Variants in PXMP4 observed in about 807,000 individuals in gnomAD.
PXMP4 encodes peroxisomal membrane protein 4.
PXMP4 carries 16 observed loss-of-function variants against 21.6 expected under a neutral mutation model. That is an observed-to-expected ratio of 0.74 (90% CI 0.50 to 1.13). The LOEUF (loss-of-function observed/expected upper bound fraction) is 1.13. Ranked by LOEUF, PXMP4 falls within the 50% of genes most tolerant of loss-of-function variation. The pLI is 0.00. For synonymous variants in PXMP4, 127 were observed against 123.8 expected (o/e 1.03, Z -0.17); for missense variants, 240 against 277.7 (o/e 0.86, Z 0.96).
chr20:33,717,008 C>T (rs554436715), intron 1 of PXMP4, among the ~76,000 whole-genome samples: 1 of 152,224 alleles, frequency 6.6e-6, no homozygotes, highest in South Asian at 2.1e-4. Context: ...AACCCTGTCT[C>T]TACTAAAAAT....
intron 1 of PXMP4, among the ~76,000 whole-genome samples, chr20:33,715,519 G>A (rs973034163): frequency 3.3e-5 from 5 of 151,716 alleles, no homozygotes; most frequent in African/African-American, 1.2e-4. Context: ...TCCACCTCCT[G>A]GGTTCAAGCA....
intron 1 of PXMP4, among the ~76,000 whole-genome samples, chr20:33,714,963 T>C (rs920143699): frequency 2.0e-5 from 3 of 152,028 alleles, no homozygotes; most frequent in Non-Finnish European, 4.4e-5. Flanking sequence ...TAAAAAGGGA[T>C]GTTTATTTTT....
intron 1 of PXMP4, among the ~76,000 whole-genome samples, chr20:33,714,962 A>G (rs2018368718): frequency 6.6e-6 from 1 of 151,796 alleles, no homozygotes; most frequent in Non-Finnish European, 1.5e-5. Flanking sequence ...ATAAAAAGGG[A>G]TGTTTATTTT....
In PXMP4 at chr20:33,703,951, C is replaced by T. The variant is rs1340824123; in HGVS notation, c.*3755G>A. 1 of 152,250 alleles carries T rather than the reference C, an allele frequency of 6.6e-6. No individual in the cohort carries two copies. The highest frequency in any genetic ancestry group is 1.9e-4 in the East Asian group (1 of 5,186). 9.4% of individuals were successfully genotyped at this position (152,250 alleles called of 1,614,324 possible). A position where few individuals can be genotyped will look rare whatever the true frequency, so the allele number is the denominator to read the frequency against. ...GCTATAGGCAGGGCACCCCCACCATCTGCTATAAAACCTGCCTGGTGATGG... is the reference window on the plus strand; with the variant it reads ...GCTATAGGCAGGGCACCCCCACCATTTGCTATAAAACCTGCCTGGTGATGG... On this transcript the variant is annotated 3_prime_UTR_variant, in exon 4 of 4. Transcript: ENST00000409299.
intron 2 of PXMP4, among the ~76,000 whole-genome samples, chr20:33,714,256 G>A (rs141220076): frequency 3.3e-5 from 5 of 152,194 alleles, no homozygotes; most frequent in East Asian, 3.9e-4. Flanking sequence ...CTTTAGGGCC[G>A]GGCACGGTGA....
chr20:33,708,391 T>C (rs1004327632), intron 3 of PXMP4, among the ~76,000 whole-genome samples: 1 of 152,008 alleles, frequency 6.6e-6, no homozygotes, highest in Non-Finnish European at 1.5e-5. Flanking sequence ...TTCAATGTGT[T>C]GGCCAGGATG....
intron 3 of PXMP4, 22 bp downstream of exon 3, chr20:33,710,533 C>A: frequency 6.5e-7 from 1 of 1,548,886 alleles, no homozygotes; most frequent in Non-Finnish European, 8.8e-7. Flanking sequence ...CTTCACTACC[C>A]CCATCTCGGG....
intron 2 of PXMP4, among the ~76,000 whole-genome samples, chr20:33,712,234 G>A (rs1157772385): frequency 6.6e-6 from 1 of 152,154 alleles, no homozygotes; most frequent in Non-Finnish European, 1.5e-5. Flanking sequence ...TTTCCATGTG[G>A]AATCTACCAG....
chr20:33,717,457 G>A (rs1265190598), intron 1 of PXMP4, among the ~76,000 whole-genome samples: 5 of 150,588 alleles, frequency 3.3e-5, no homozygotes, highest in African/African-American at 7.3e-5. Context: ...CGGCTAAAAC[G>A]GTGAAACCCC....
At position 33,707,675 on chromosome 20, in the gene PXMP4, T is replaced by G; in HGVS notation, c.*31A>C. On this transcript the variant is annotated 3_prime_UTR_variant, in exon 4 of 4. Transcript: ENST00000409299. ...GGGAGGGTCTGCATGGGGCCAAATC[T>G]TGAGCCACAGCCAGACACCTCAGGG... The G allele has an allele frequency of 6.2e-7, 1 of 1,604,856 alleles. No homozygotes were observed. Among genetic ancestry groups the G allele is most frequent in the Non-Finnish European group, 8.5e-7 (1 of 1,173,660 alleles).
intron 1 of PXMP4, among the ~76,000 whole-genome samples, chr20:33,719,710 G>A (rs570270844): frequency 1.3e-5 from 2 of 152,288 alleles, no homozygotes; most frequent in South Asian, 2.1e-4. Context: ...TAGACAGGAG[G>A]CATCCGCCTG....
At chr20:33,717,957 C>G (rs949541482) in intron 1 of PXMP4, among the ~76,000 whole-genome samples, 2 of 152,150 alleles carry the variant, frequency 1.3e-5, no homozygotes, top group African/African-American at 4.8e-5. Flanking sequence ...TGGCTTTTGG[C>G]AGTTACGCAC....
rs2018437476 is a variant in PXMP4 at position 33,720,236 on chromosome 20, A to G, written c.-29T>C. 1 of 1,579,850 alleles carries G rather than the reference A, an allele frequency of 6.3e-7. No individual in the cohort carries two copies. ...GCGGGCTGCGCGCAGGGTCGGGGTTAGGAACTGTAAGCGCACTGACAGCCG... is the reference window on the plus strand; with the variant it reads ...GCGGGCTGCGCGCAGGGTCGGGGTTGGGAACTGTAAGCGCACTGACAGCCG... On this transcript the variant is annotated 5_prime_UTR_variant, in exon 1 of 4. Coordinates refer to ENST00000409299, the MANE Select transcript of PXMP4 (RefSeq NM_007238.5).
intron 1 of PXMP4, among the ~76,000 whole-genome samples, chr20:33,716,096 G>C (rs1395393955): frequency 6.6e-6 from 1 of 151,738 alleles, no homozygotes. Flanking sequence ...CGCCCACCTC[G>C]GCCTCCCAAA....
chr20:33,710,583 A>C lies in PXMP4; in HGVS notation c.347T>G (p.Phe116Cys). ...GCTGTTGATGTTATTGTTTTCTCCA[A>C]ACACCAGGATACCCCCGAGGAAGGC... Reference protein sequence around the residue: ...LAAFLGGILVFGENNNINSQI... With the variant: ...LAAFLGGILVCGENNNINSQI... The change falls in exon 3 of 4, where the codon TTT (phenylalanine) becomes TGT (cysteine). Residue 116 changes from phenylalanine (F) to cysteine (C), a missense_variant. Coordinates refer to ENST00000409299, the MANE Select transcript of PXMP4 (RefSeq NM_007238.5). 1 of 1,610,968 alleles carries C rather than the reference A, an allele frequency of 6.2e-7. No individual in the cohort carries two copies. The highest frequency in any genetic ancestry group is 8.5e-7 in the Non-Finnish European group (1 of 1,179,250).
rs906088813 is a variant in PXMP4, at chr20:33,716,679, C to T, written c.114-1943G>A. Reference sequence around the variant, plus strand: ...ATCTGCATAGTCCCTAGCATAGTACCCCACATGGTACCTGACATATAACAT... The same window carrying T: ...ATCTGCATAGTCCCTAGCATAGTACTCCACATGGTACCTGACATATAACAT... On this transcript the variant is annotated intron_variant, in intron 1 of 3. Coordinates refer to ENST00000409299, the MANE Select transcript of PXMP4 (RefSeq NM_007238.5). 1.4e-4 allele frequency among the ~76,000 whole-genome samples: 21 copies of T among 152,200 alleles called. No homozygotes were observed. In the South Asian group the frequency reaches 1.5e-3, roughly 11 times the overall value.
intron 2 of PXMP4, among the ~76,000 whole-genome samples, chr20:33,712,552 C>T (rs1379301053): frequency 6.6e-6 from 1 of 152,134 alleles, no homozygotes; most frequent in Non-Finnish European, 1.5e-5. Context: ...TGGGTTTGAG[C>T]GATTCTCCTG....
chr20:33,704,535 C>T lies in PXMP4; in HGVS notation c.*3171G>A, dbSNP rs1322133523. The T allele has an allele frequency of 1.3e-5, 2 of 152,224 alleles. No individual in the cohort carries two copies. The highest frequency in any genetic ancestry group is 4.8e-5 in the African/African-American group (2 of 41,448). The allele number at this position is 152,224 out of a possible 1,614,324, so 9.4% of individuals were successfully genotyped here. ...GGGTTGCGGACCCCTTACTCTAGAG[C>T]TCATTCAACCTCCACAGCAAGTTAA... On this transcript the variant is annotated 3_prime_UTR_variant, in exon 4 of 4. Transcript: ENST00000409299.
rs112943567 is a variant in PXMP4 at position 33,706,226 on chromosome 20, T to C, written c.*1480A>G. 0.057 allele frequency: 8,628 copies of C among 152,022 alleles called. 268 individuals carry two copies. Among genetic ancestry groups the C allele is most frequent in the South Asian group, 0.08 (384 of 4,800 alleles). 9.4% of individuals were successfully genotyped at this position (152,022 alleles called of 1,614,324 possible). Reference sequence around the variant, plus strand: ...CAGGCGTGAGCCACTGCACCTGGCCTGACCCTCAGTTTCTACATCTGTAAA... The same window carrying C: ...CAGGCGTGAGCCACTGCACCTGGCCCGACCCTCAGTTTCTACATCTGTAAA... On this transcript the variant is annotated 3_prime_UTR_variant, in exon 4 of 4. Transcript: ENST00000409299.
Sources: allele counts gnomAD v4.1 joint callset (sites outside exome capture counted in the v4.1 genomes callset), GRCh38; gene constraint gnomAD v4.1.1; transcripts MANE v1.5; gene names NCBI Gene and HGNC (gene_info 2026-07-23, HGNC 2026-07-21).